Variants in ACTR8 observed in about 807,000 individuals in gnomAD.
The protein encoded by ACTR8 is actin related protein 8.
Under a neutral mutation model 84.3 loss-of-function variants are expected in ACTR8, and 70 were observed. The observed-to-expected ratio is 0.83, with a 90% CI of 0.68 to 1.01. The LOEUF (loss-of-function observed/expected upper bound fraction) is 1.01. ACTR8 is among the 50% of genes least tolerant of loss of function. The pLI is 0.00. For synonymous variants in ACTR8, 268 were observed against 275.2 expected (o/e 0.97, Z 0.26); for missense variants, 672 against 775.4 (o/e 0.87, Z 1.58).
downstream of ACTR8, chr3:53,865,016 G>C (rs1205232376): frequency 6.2e-7 from 1 of 1,614,184 alleles, no homozygotes; most frequent in Non-Finnish European, 8.5e-7. Context: ...GTGTGCGATG[G>C]TACCTGTGGC....
downstream of ACTR8, among the ~76,000 whole-genome samples, chr3:53,865,980 C>CA (rs1176718607): frequency 2.0e-5 from 3 of 152,236 alleles, no homozygotes; most frequent in Admixed American, 1.3e-4. Flanking sequence ...AGGTCACTGT[C>CA]AGAGTTCTCA....
At chr3:53,865,235 T>G, downstream of ACTR8, 1 of 1,613,516 alleles carries the variant, frequency 6.2e-7, no homozygotes, top group East Asian at 2.2e-5. Context: ...TGTGCAGAAC[T>G]TCTCCATGTC....
At position 53,871,468 on chromosome 3, in the gene ACTR8, G is replaced by C; in HGVS notation, c.1331C>G (p.Ser444Cys). 1 of 1,614,176 alleles carries C rather than the reference G, an allele frequency of 6.2e-7. No homozygotes were observed. The highest frequency in any genetic ancestry group is 8.5e-7 in the Non-Finnish European group (1 of 1,180,042). ...QSAKATADRK[S>C]ASKPIGFEGD... ...TTCAAATCCAATAGGTTTGGATGCAGACTTTCGGTCAGCAGTAGCTTTTGC... is the reference window on the plus strand; with the variant it reads ...TTCAAATCCAATAGGTTTGGATGCACACTTTCGGTCAGCAGTAGCTTTTGC... Residue 444 changes from serine to cysteine, a missense_variant, in exon 11 of 13, where the codon TCT becomes TGT. Coordinates refer to ENST00000335754, the MANE Select transcript of ACTR8 (RefSeq NM_022899.5).
the ACTR8 span, chr3:53,861,632 C>T: frequency 6.6e-6 from 1 of 152,166 alleles, no homozygotes; most frequent in East Asian, 1.9e-4. Flanking sequence ...GAAGGTGAAG[C>T]ATCTAAAGCT....
At chr3:53,864,514 G>A (rs184791328), downstream of ACTR8, among the ~76,000 whole-genome samples, 558 of 152,084 alleles carry the variant, frequency 3.7e-3, 2 homozygotes, top group African/African-American at 0.012. Context: ...CAGCCTGGGC[G>A]ACAGAGTGAG....
intron 11 of ACTR8, 89 bp downstream of exon 11, chr3:53,871,143 T>G (rs1280607441): frequency 1.0e-5 from 15 of 1,507,354 alleles, no homozygotes; most frequent in Non-Finnish European, 1.4e-5. Context: ...GAATATGTTA[T>G]ACTGCACAAG....
intron 7 of ACTR8, among the ~76,000 whole-genome samples, chr3:53,875,658 C>T (rs1002102359): frequency 1.3e-5 from 2 of 152,190 alleles, no homozygotes; most frequent in African/African-American, 2.4e-5. Context: ...GCTAAAGACA[C>T]GAAGCTACTG....
In ACTR8 at chr3:53,868,495, C is replaced by A. The variant is rs1469336061; in HGVS notation, c.*224G>T. ...TGAGAGAGGGCAAGAGAGTTTACAA[C>A]TGAAGAGAAAGTTCCTATTTATTCT... is the stretch of plus-strand genomic sequence containing the variant. On this transcript the variant is annotated 3_prime_UTR_variant, in exon 13 of 13. Coordinates refer to ENST00000335754, the MANE Select transcript of ACTR8 (RefSeq NM_022899.5). 4 of 574,714 alleles carry A rather than the reference C, an allele frequency of 7.0e-6. No individual in the cohort carries two copies. Among genetic ancestry groups the A allele is most frequent in the African/African-American group, 5.8e-5 (3 of 52,094 alleles). The allele number at this position is 574,714 out of a possible 1,614,324, so 35.6% of individuals were successfully genotyped here.
chr3:53,879,906 T>G (rs766272867), intron 2 of ACTR8, 33 bp downstream of exon 2: 2 of 1,584,728 alleles, frequency 1.3e-6, no homozygotes, highest in Admixed American at 3.5e-5. Context: ...GGAAACAACC[T>G]TAGGCTTTCT....
Position 53,872,258 on chromosome 3 carries a change from A to G in ACTR8, c.1302+126T>C. 3 of 1,112,624 alleles carry G rather than the reference A, an allele frequency of 2.7e-6. No individual in the cohort carries two copies. In the South Asian group the frequency reaches 8.6e-5, roughly 32 times the overall value. The allele number at this position is 1,112,624 out of a possible 1,614,324, so 68.9% of individuals were successfully genotyped here. On this transcript the variant is annotated intron_variant, in intron 10 of 12. Transcript: ENST00000335754. ...AAACTCAGACTTCAGTTCATCTACA[A>G]TTCTAAAAGCTATATCAGTGTTATT... is the stretch of plus-strand genomic sequence containing the variant.
At chr3:53,876,539 A>G (rs1005879523) in intron 6 of ACTR8, 81 bp downstream of exon 6, 1 of 799,768 alleles carries the variant, frequency 1.3e-6, no homozygotes, top group East Asian at 2.8e-5. Flanking sequence ...ATAAATAAAT[A>G]AGTCAGTAAA....
At chr3:53,871,601 C>T in intron 10 of ACTR8, 105 bp from the exon 11 acceptor site, 1 of 1,333,330 alleles carries the variant, frequency 7.5e-7, no homozygotes, top group Non-Finnish European at 1.0e-6. Context: ...AAACAAAAGC[C>T]ACACAGCAAT....
chr3:53,877,761 A>G lies in ACTR8; in HGVS notation c.406-10T>C. 1.9e-6 allele frequency: 3 copies of G among 1,610,722 alleles called. No homozygotes were observed. Among genetic ancestry groups the G allele is most frequent in the Non-Finnish European group, 2.5e-6 (3 of 1,177,156 alleles). On this transcript the variant is annotated splice_polypyrimidine_tract_variant and intron_variant, in intron 3 of 12. Coordinates refer to ENST00000335754, the MANE Select transcript of ACTR8 (RefSeq NM_022899.5). Reference sequence around the variant, plus strand: ...TATTGTAGGAGCGTGCCTGAAAAGAAAAACCATCAGAAAATTATCTCAATT... The same window carrying G: ...TATTGTAGGAGCGTGCCTGAAAAGAGAAACCATCAGAAAATTATCTCAATT...
At chr3:53,872,641 T>G in intron 9 of ACTR8, 117 bp from the exon 10 acceptor site, 1 of 1,239,088 alleles carries the variant, frequency 8.1e-7, no homozygotes, top group East Asian at 2.6e-5. Flanking sequence ...TAAGTTAGAC[T>G]GGGCAATGTT....
At chr3:53,877,007 G>C (rs1347548005) in intron 5 of ACTR8, among the ~76,000 whole-genome samples, 1 of 151,672 alleles carries the variant, frequency 6.6e-6, no homozygotes, top group African/African-American at 2.4e-5. Context: ...TCGAGTAATA[G>C]AGACACCAAA....
In ACTR8 at chr3:53,877,200, G is replaced by A; in HGVS notation, c.684+14C>T. On this transcript the variant is annotated intron_variant, in intron 5 of 12. Coordinates refer to ENST00000335754, the MANE Select transcript of ACTR8 (RefSeq NM_022899.5). ...TCTTAAAAACAATCCAAATAACTGA[G>A]GATTTTAGCTCACCTTTAAATCTTT... The A allele has an allele frequency of 6.3e-7, 1 of 1,581,736 alleles. No homozygotes were observed.
intron 10 of ACTR8, among the ~76,000 whole-genome samples, chr3:53,872,000 T>C (rs982180580): frequency 6.6e-6 from 1 of 152,230 alleles, no homozygotes; most frequent in African/African-American, 2.4e-5. Flanking sequence ...CATCATATTA[T>C]GGGGATCCAC....
intron 4 of ACTR8, 124 bp downstream of exon 4, chr3:53,877,523 T>C (rs1699994760): frequency 7.7e-7 from 1 of 1,291,406 alleles, no homozygotes; most frequent in African/African-American, 1.5e-5. Context: ...GGTGTGACTA[T>C]CTGGTACTCA....
chr3:53,877,515 T>C, intron 4 of ACTR8, 128 bp from the exon 5 acceptor site: 6 of 1,283,792 alleles, frequency 4.7e-6, no homozygotes, highest in Non-Finnish European at 6.4e-6. Context: ...TAGGAGTCGG[T>C]GTGACTATCT....
Sources: allele counts gnomAD v4.1 joint callset (sites outside exome capture counted in the v4.1 genomes callset), GRCh38; gene constraint gnomAD v4.1.1; transcripts MANE v1.5; gene names NCBI Gene and HGNC (gene_info 2026-07-23, HGNC 2026-07-21).